SLC28A3: variants seen among roughly 807,000 people sequenced by gnomAD.
SLC28A3 encodes concentrative Na(+)-nucleoside cotransporter 3.
Under a neutral mutation model 84.2 loss-of-function variants are expected in SLC28A3, and 68 were observed. That is an observed-to-expected ratio of 0.81 (90% CI 0.66 to 0.99). SLC28A3 has a LOEUF of 0.99. SLC28A3 is among the 50% of genes least tolerant of loss of function. The probability of loss-of-function intolerance (pLI) is 0.00; values close to 1 mark genes in which losing one functional copy is unlikely to be tolerated. For synonymous variants in SLC28A3, 267 were observed against 303.6 expected, an observed-to-expected ratio of 0.88 and a Z score of 1.25; for missense variants, 712 against 841.5, an observed-to-expected ratio of 0.85 and a Z score of 1.90.
At chr9:84,313,309 G>T in intron 2 of SLC28A3, 50 bp downstream of exon 2, 1 of 1,532,680 alleles carries the variant, frequency 6.5e-7, no homozygotes, top group Non-Finnish European at 9.0e-7. Flanking sequence ...GGTGCCTGTT[G>T]CGCAGCGGCT....
intron 2 of SLC28A3, among the ~76,000 whole-genome samples, 154 bp from the exon 3 acceptor site, chr9:84,309,868 AT>A (rs71869137): frequency 0.037 from 5,597 of 151,964 alleles, 468 homozygotes; most frequent in East Asian, 0.34. Flanking sequence ...CTGCACAGAC[AT>A]TTTTTTTCCC....
Position 84,305,356 on chromosome 9 carries a change from A to T in SLC28A3, c.243-11T>A. 1 of 1,609,462 alleles carries T rather than the reference A, an allele frequency of 6.2e-7. No homozygotes were observed. The highest frequency in any genetic ancestry group is 8.5e-7 in the Non-Finnish European group (1 of 1,177,012). On this transcript the variant is annotated splice_polypyrimidine_tract_variant and intron_variant, in intron 3 of 17. Transcript: ENST00000376238. ...CTCCTTTCCAAACACCTGCAACATA[A>T]AAGCAAAAAGGCAGGGAGAAGTAAA...
At chr9:84,353,635 G>A in the SLC28A3 span, among the ~76,000 whole-genome samples, 8 of 152,128 alleles carry the variant, frequency 5.3e-5, no homozygotes, top group Non-Finnish European at 8.8e-5. Flanking sequence ...ACTTGAACTC[G>A]AGAGGTGGAG....
intron 14 of SLC28A3, among the ~76,000 whole-genome samples, chr9:84,281,649 A>G (rs147708097): frequency 6.6e-6 from 1 of 152,386 alleles, no homozygotes; most frequent in African/African-American, 2.4e-5. Flanking sequence ...AACACATGCC[A>G]CAAAAAGATT....
chr9:84,327,925 C>CAA (rs60624658), intron 1 of SLC28A3, among the ~76,000 whole-genome samples: 27,349 of 107,014 alleles, frequency 0.26, 4,839 homozygotes, highest in African/African-American at 0.48. Context: ...GACTCCATTT[C>CAA]AAAAAAAAAA....
At chr9:84,324,761 G>A (rs1374689360) in intron 1 of SLC28A3, among the ~76,000 whole-genome samples, 1 of 152,180 alleles carries the variant, frequency 6.6e-6, no homozygotes, top group East Asian at 1.9e-4. Flanking sequence ...CATCTTCATA[G>A]GTTGTGCTGT....
chr9:84,278,977 T>A (rs573213828), intron 17 of SLC28A3, among the ~76,000 whole-genome samples: 182 of 152,172 alleles, frequency 1.2e-3, no homozygotes, highest in African/African-American at 4.2e-3. Flanking sequence ...TGGGTGCATA[T>A]TAAATGCTTG....
chr9:84,307,437 A>AAAAAAAAAAAAC (rs1554726619), intron 3 of SLC28A3, among the ~76,000 whole-genome samples: 2 of 111,008 alleles, frequency 1.8e-5, no homozygotes, highest in Admixed American at 9.7e-5. Flanking sequence ...TCTCAAAAAA[A>AAAAAAAAAAAAC]AAAAAAAACA....
chr9:84,323,327 G>T (rs568606231), intron 1 of SLC28A3, among the ~76,000 whole-genome samples: 24 of 152,292 alleles, frequency 1.6e-4, no homozygotes, highest in African/African-American at 5.5e-4. Context: ...TAGATGAGTT[G>T]CCTAAATGGT....
chr9:84,323,807 A>G (rs1487980821), intron 1 of SLC28A3, among the ~76,000 whole-genome samples: 1 of 149,954 alleles, frequency 6.7e-6, no homozygotes, highest in Admixed American at 6.7e-5. Context: ...CCCCAATGAC[A>G]TCCCCCTCCC....
chr9:84,295,359 C>G (rs191963877), intron 8 of SLC28A3, among the ~76,000 whole-genome samples: 4 of 151,846 alleles, frequency 2.6e-5, no homozygotes, highest in Non-Finnish European at 5.9e-5. Flanking sequence ...CTGAGGCGGG[C>G]GGATCACCTG....
chr9:84,299,628 T>C lies in SLC28A3; in HGVS notation c.622A>G (p.Ile208Val). The C allele has an allele frequency of 6.2e-7, 1 of 1,613,944 alleles. No homozygotes were observed. The highest frequency in any genetic ancestry group is 8.5e-7 in the Non-Finnish European group (1 of 1,179,972). The change falls in exon 6 of 18, where the codon ATA (isoleucine) becomes GTA (valine). Residue 208 changes from isoleucine (I) to valine (V), a missense_variant. Physicochemically the swap from Ile to Val is conservative, Grantham distance 29. Coordinates refer to ENST00000376238, the MANE Select transcript of SLC28A3 (RefSeq NM_001199633.2). ...AGAAATAACAGGACAATGTACATTA[T>C]GAGCCCACCGAAGGACACCAGCTGC... ...QQQLVSFGGL[I>V]MYIVLLFLFS... is the part of the protein sequence containing the mutation.
Position 84,313,353 on chromosome 9 carries a change from C to T in SLC28A3, c.156+6G>A. ...ACTAGAGTCATGCACCACAGTCTTG[C>T]TGTACCTGTTTGGTGTTTGTGTGCT... On this transcript the variant is annotated splice_donor_region_variant and intron_variant, in intron 2 of 17. Coordinates refer to ENST00000376238, the MANE Select transcript of SLC28A3 (RefSeq NM_001199633.2). 7 of 1,613,734 alleles carry T rather than the reference C, an allele frequency of 4.3e-6. No homozygotes were observed. Among genetic ancestry groups the T allele is most frequent in the East Asian group, 2.2e-5 (1 of 44,860 alleles).
At chr9:84,327,749 C>A (rs13293222) in intron 1 of SLC28A3, among the ~76,000 whole-genome samples, 28,949 of 151,498 alleles carry the variant, frequency 0.19, 3,029 homozygotes, top group East Asian at 0.36. Context: ...GAAACCCCAC[C>A]TCTACAAAAA....
intron 9 of SLC28A3, among the ~76,000 whole-genome samples, chr9:84,293,827 C>A (rs542921364): frequency 6.6e-6 from 1 of 152,074 alleles, no homozygotes; most frequent in Non-Finnish European, 1.5e-5. Flanking sequence ...AGGTAGCATA[C>A]AATTAAGGAG....
rs767817114 is a variant in SLC28A3, at chr9:84,279,988, T to C, written c.1815A>G (p.Thr605=). ...LIAGTVACFM[T]ACIAGILSST... is the part of the protein sequence containing the mutation. ...AGGGTGCGGTACCTGCGATGCAGGC[T>C]GTCATGAAGCAGGCCACGGTCCCCG... The change falls in exon 16 of 18, where the codon ACA becomes ACG. Residue 605 remains threonine (T), a synonymous_variant. Transcript: ENST00000376238. 1 of 1,613,942 alleles carries C rather than the reference T, an allele frequency of 6.2e-7. No individual in the cohort carries two copies. Among genetic ancestry groups the C allele is most frequent in the East Asian group, 2.2e-5 (1 of 44,886 alleles).
intron 2 of SLC28A3, among the ~76,000 whole-genome samples, chr9:84,312,104 C>T (rs766083686): frequency 1.5e-4 from 23 of 152,204 alleles, no homozygotes; most frequent in Non-Finnish European, 3.4e-4. Flanking sequence ...GAATGTACCA[C>T]AGTTTATTTA....
At chr9:84,319,650 T>C (rs1029343448) in intron 1 of SLC28A3, among the ~76,000 whole-genome samples, 26 of 152,372 alleles carry the variant, frequency 1.7e-4, no homozygotes, top group African/African-American at 6.3e-4. Context: ...TTTGTGTTTA[T>C]TAATGTGTGA....
At chr9:84,354,526 A>T in the SLC28A3 span, among the ~76,000 whole-genome samples, 7 of 152,224 alleles carry the variant, frequency 4.6e-5, no homozygotes, top group African/African-American at 1.7e-4. Context: ...ACCTTCAAAA[A>T]TTCATGAGTC....
Sources: gnomAD v4.1 joint callset for allele counts (sites outside exome capture counted in the v4.1 genomes callset) on GRCh38, gnomAD v4.1.1 for gene constraint, MANE v1.5 for transcripts, NCBI Gene and HGNC (gene_info 2026-07-23, HGNC 2026-07-21) for gene names.